ZFHX3: variants seen among roughly 807,000 people sequenced by gnomAD.
ZFHX3 encodes the protein zinc finger homeobox protein 3.
In ZFHX3, 42 loss-of-function variants were observed where a neutral mutation model predicts 279.1. The ratio of observed to expected loss-of-function variants is 0.15; its 90% confidence interval spans 0.12 to 0.19. The LOEUF (loss-of-function observed/expected upper bound fraction) is 0.19, where lower values mean the gene tolerates loss of function less well. Among genes scored for constraint, ZFHX3 ranks in the 10% least tolerant of loss-of-function variants. The probability of loss-of-function intolerance (pLI) is 1.00; values close to 1 mark genes in which losing one functional copy is unlikely to be tolerated. For missense variants in ZFHX3, 4,981 were observed against 4,754.0 expected, an observed-to-expected ratio of 1.05 and a Z score of -1.40; for synonymous variants, 2,293 against 1,957.8, an observed-to-expected ratio of 1.17 and a Z score of -4.52.
chr16:73,552,475 G>A (rs979761158), intron 2 of ZFHX3, among the ~76,000 whole-genome samples: 1 of 152,140 alleles, frequency 6.6e-6, no homozygotes, highest in African/African-American at 2.4e-5. Flanking sequence ...CTCAAAAGGT[G>A]TAAGACATAG....
intron 5 of ZFHX3, among the ~76,000 whole-genome samples, chr16:73,241,518 C>A (rs559011274): frequency 1.3e-5 from 2 of 152,064 alleles, no homozygotes; most frequent in Admixed American, 1.3e-4. Context: ...GGGCCGGGCG[C>A]GGTGGCTCAT....
At chr16:73,739,826 A>G (rs1388714421) in intron 1 of ZFHX3, among the ~76,000 whole-genome samples, 3 of 152,174 alleles carry the variant, frequency 2.0e-5, no homozygotes, top group Non-Finnish European at 4.4e-5. Flanking sequence ...TCTCCTCCTT[A>G]AGGACATTTA....
At chr16:73,054,442 ATTTTTT>A (rs34141418) in intron 1 of ZFHX3, among the ~76,000 whole-genome samples, 37,950 of 91,774 alleles carry the variant, frequency 0.41, 6,977 homozygotes, top group East Asian at 0.77. Flanking sequence ...AACCAGGAGG[ATTTTTT>A]TTTTTTTTTT....
intron 1 of ZFHX3, among the ~76,000 whole-genome samples, chr16:73,799,984 C>G (rs769469386): frequency 6.6e-6 from 1 of 151,934 alleles, no homozygotes; most frequent in Non-Finnish European, 1.5e-5. Flanking sequence ...CCGAGATCAG[C>G]CTAAGCAACA....
At chr16:73,188,560 A>C (rs1326530297) in intron 5 of ZFHX3, among the ~76,000 whole-genome samples, 2 of 152,226 alleles carry the variant, frequency 1.3e-5, no homozygotes, top group Admixed American at 1.3e-4. Context: ...AAAGAGAGAA[A>C]TAGTTTTTTC....
intron 2 of ZFHX3, among the ~76,000 whole-genome samples, chr16:73,502,183 G>C (rs926671757): frequency 3.3e-5 from 5 of 152,176 alleles, no homozygotes; most frequent in African/African-American, 1.2e-4. Context: ...CTAAAAGAAG[G>C]CTAAGGAACA....
intron 2 of ZFHX3, among the ~76,000 whole-genome samples, chr16:73,571,333 T>G (rs1161486456): frequency 6.6e-6 from 1 of 152,130 alleles, no homozygotes; most frequent in Non-Finnish European, 1.5e-5. Context: ...ACGAAAAAGC[T>G]TAGTTCTTTT....
chr16:72,797,877 T>A lies in ZFHX3; in HGVS notation c.4805A>T (p.Asn1602Ile). ...DNKPFKCNTC[N>I]VAYSQSSTLE... ...AGTGGAACTCTGGCTGTAGGCCACA[T>A]TACAAGTGTTACACTTAAAAGGTTT... Residue 1602 changes from asparagine (N) to isoleucine (I), a missense_variant, in exon 9 of 10, where the codon AAT (asparagine) becomes ATT (isoleucine). Around this residue, in one of 7 missense-constraint regions of ZFHX3, gnomAD observed 1,751 missense variants for 1,770.0 expected, o/e 0.99. Transcript: ENST00000268489. The A allele has an allele frequency of 6.2e-7, 1 of 1,614,160 alleles. No homozygotes were observed.
At chr16:72,835,993 G>C (rs1175480364) in intron 4 of ZFHX3, among the ~76,000 whole-genome samples, 1 of 152,128 alleles carries the variant, frequency 6.6e-6, no homozygotes, top group Non-Finnish European at 1.5e-5. Context: ...CTAAGGCCTA[G>C]ACCACTTATT....
intron 4 of ZFHX3, among the ~76,000 whole-genome samples, chr16:72,887,214 G>T (rs1041245607): frequency 6.6e-6 from 1 of 152,156 alleles, no homozygotes. Context: ...CTTTGGAGGG[G>T]CTTAGGAGGG....
intron 5 of ZFHX3, among the ~76,000 whole-genome samples, chr16:73,180,182 G>A (rs561301607): frequency 3.9e-5 from 6 of 152,242 alleles, no homozygotes; most frequent in African/African-American, 1.4e-4. Flanking sequence ...CCAACTCTTG[G>A]ACCCAGGGGT....
At chr16:72,812,192 G>A (rs75232769) in intron 5 of ZFHX3, among the ~76,000 whole-genome samples, 154 bp from the exon 6 acceptor site, 478 of 152,300 alleles carry the variant, frequency 3.1e-3, no homozygotes, top group Middle Eastern at 0.01. Flanking sequence ...GATTTATCAA[G>A]CATGTTGGAA....
At chr16:73,674,051 A>G (rs992166243) in intron 2 of ZFHX3, among the ~76,000 whole-genome samples, 2 of 152,186 alleles carry the variant, frequency 1.3e-5, no homozygotes, top group Admixed American at 6.5e-5. Flanking sequence ...CTGAAAATAT[A>G]CTTGAAGAAA....
intron 3 of ZFHX3, among the ~76,000 whole-genome samples, chr16:72,913,183 A>T (rs558567446): frequency 6.6e-6 from 1 of 152,342 alleles, no homozygotes; most frequent in African/African-American, 2.4e-5. Flanking sequence ...CCATCTTAAC[A>T]GCTGGGACAC....
At chr16:72,978,053 C>T (rs1243274507) in intron 1 of ZFHX3, among the ~76,000 whole-genome samples, 1 of 152,074 alleles carries the variant, frequency 6.6e-6, no homozygotes, top group African/African-American at 2.4e-5. Context: ...TTAGTAGAAA[C>T]GGGGTTTCAC....
upstream of ZFHX3, among the ~76,000 whole-genome samples, chr16:73,051,785 G>T (rs1285530608): frequency 6.6e-6 from 1 of 151,750 alleles, no homozygotes; most frequent in East Asian, 1.9e-4. Context: ...AGCTTTACAT[G>T]TTAGGTAAAG....
chr16:73,848,501 A>T (rs899514735), intron 1 of ZFHX3, among the ~76,000 whole-genome samples: 1 of 152,198 alleles, frequency 6.6e-6, no homozygotes, highest in East Asian at 1.9e-4. Flanking sequence ...GACCAAAGGA[A>T]AGTAGGTTTA....
intron 7 of ZFHX3, among the ~76,000 whole-genome samples, chr16:73,098,280 G>C (rs982132319): frequency 2.6e-5 from 4 of 152,102 alleles, no homozygotes; most frequent in African/African-American, 9.7e-5. Context: ...ATATTGGCCA[G>C]GCTGGTCTCG....
At chr16:73,671,346 A>C (rs974622598) in intron 2 of ZFHX3, among the ~76,000 whole-genome samples, 1 of 152,226 alleles carries the variant, frequency 6.6e-6, no homozygotes, top group African/African-American at 2.4e-5. Flanking sequence ...AGCCAGCATC[A>C]GTGGCCTTCG....
Sources: gnomAD v4.1 joint callset for allele counts (sites outside exome capture counted in the v4.1 genomes callset) on GRCh38, gnomAD v4.1.1 for gene constraint, gnomAD v4.1.1 regional missense constraint, MANE v1.5 for transcripts, NCBI Gene and HGNC (gene_info 2026-07-23, HGNC 2026-07-21) for gene names.